Variants in BRINP1 observed in about 807,000 individuals in gnomAD.
BRINP1 encodes BMP/retinoic acid inducible neural specific 1, also known as BMP/retinoic acid-inducible neural-specific protein 1.
A neutral mutation model predicts 72.9 loss-of-function variants in BRINP1; 17 were observed. The ratio of observed to expected loss-of-function variants is 0.23; its 90% CI spans 0.16 to 0.35. The LOEUF (loss-of-function observed/expected upper bound fraction) is 0.35. BRINP1 is among the 10% of genes least tolerant of loss of function. The probability of loss-of-function intolerance (pLI) is 1.00; values close to 1 mark genes in which losing one functional copy is unlikely to be tolerated. For missense variants in BRINP1, 850 were observed against 1,001.6 expected (o/e 0.85, Z 2.04); for synonymous variants, 418 against 378.5 (o/e 1.10, Z -1.21).
chr9:119,280,524 G>A (rs941281985), intron 2 of BRINP1, among the ~76,000 whole-genome samples: 2 of 152,012 alleles, frequency 1.3e-5, no homozygotes, highest in Non-Finnish European at 2.9e-5. Context: ...GATTACAGGT[G>A]TGAGCTACCG....
chr9:119,169,342 C>T (rs1349303902), intron 7 of BRINP1, among the ~76,000 whole-genome samples: 2 of 152,210 alleles, frequency 1.3e-5, no homozygotes, highest in Non-Finnish European at 2.9e-5. Context: ...AGGGAGTTCC[C>T]TTTCCGAAAC....
intron 2 of BRINP1, among the ~76,000 whole-genome samples, chr9:119,299,938 T>A (rs1398346355): frequency 6.6e-6 from 1 of 152,210 alleles, no homozygotes; most frequent in Non-Finnish European, 1.5e-5. Flanking sequence ...TTCTTAATGA[T>A]CCTTCTGTAT....
chr9:119,198,156 G>A (rs1440731010), intron 7 of BRINP1, among the ~76,000 whole-genome samples: 1 of 152,212 alleles, frequency 6.6e-6, no homozygotes, highest in Non-Finnish European at 1.5e-5. Flanking sequence ...GGCTGGCCAA[G>A]AAATGTGCAT....
intron 2 of BRINP1, among the ~76,000 whole-genome samples, chr9:119,294,690 A>G (rs1275724522): frequency 6.6e-6 from 1 of 151,614 alleles, no homozygotes; most frequent in Non-Finnish European, 1.5e-5. Flanking sequence ...ACATAGTAAA[A>G]CCCCATCTCT....
chr9:119,282,412 A>G (rs1200139856), intron 2 of BRINP1, among the ~76,000 whole-genome samples: 1 of 152,210 alleles, frequency 6.6e-6, no homozygotes. Flanking sequence ...TTGGATTCCC[A>G]TCTGGAAAAC....
At chr9:119,285,469 C>A (rs144656135) in intron 2 of BRINP1, among the ~76,000 whole-genome samples, 1 of 152,180 alleles carries the variant, frequency 6.6e-6, no homozygotes, top group Non-Finnish European at 1.5e-5. Flanking sequence ...TGAGCACGCA[C>A]TGAAGCTGAG....
At chr9:119,322,858 G>C (rs1195244182) in intron 1 of BRINP1, among the ~76,000 whole-genome samples, 1 of 152,056 alleles carries the variant, frequency 6.6e-6, no homozygotes. Context: ...CAGTAACAGG[G>C]GGATGCACAT....
At position 119,195,707 on chromosome 9, in the gene BRINP1, G is replaced by T. The variant is rs567276791; in HGVS notation, c.1145+13012C>A. On this transcript the variant is annotated intron_variant, in intron 7 of 7. Transcript: ENST00000265922. ...GCAGTCGTGCCACCTCTCAGCAGGG[G>T]TGGTACCTGCAGGGAGACAAAGCCA... Among the ~76,000 whole-genome samples the T allele has an allele frequency of 2.0e-5, 3 of 152,332 alleles. No homozygotes were observed. The East Asian group carries it at 5.8e-4, about 29-fold the overall frequency.
chr9:119,344,226 G>A (rs569493815), intron 1 of BRINP1, among the ~76,000 whole-genome samples: 151 of 152,282 alleles, frequency 9.9e-4, no homozygotes, highest in African/African-American at 3.4e-3. Context: ...GAAGGCAGCA[G>A]GGAGAATTAT....
chr9:119,310,202 C>T (rs1179544236), intron 2 of BRINP1, among the ~76,000 whole-genome samples: 1 of 152,142 alleles, frequency 6.6e-6, no homozygotes, highest in Non-Finnish European at 1.5e-5. Context: ...CAAAATCACA[C>T]AATCAGGAGA....
rs1164513698 is a variant in BRINP1 at position 119,190,188 on chromosome 9, G to T, written c.1145+18531C>A. Among the ~76,000 whole-genome samples the T allele has an allele frequency of 2.0e-5, 3 of 151,808 alleles. No individual in the cohort carries two copies. In the East Asian group the frequency reaches 5.8e-4, roughly 29 times the overall value. ...CATCAAAAGAAGTTATCAGAGGGAG[G>T]CTTACAGCAATAAATAATAAACAAG... is the stretch of plus-strand genomic sequence containing the variant. On this transcript the variant is annotated intron_variant, in intron 7 of 7. Transcript: ENST00000265922.
chr9:119,216,791 G>T (rs1206009386), intron 5 of BRINP1, among the ~76,000 whole-genome samples: 2 of 152,136 alleles, frequency 1.3e-5, no homozygotes, highest in Non-Finnish European at 2.9e-5. Context: ...TTTGGGGAGA[G>T]CATTTATAGA....
At chr9:119,184,559 T>C (rs1206076767) in intron 7 of BRINP1, among the ~76,000 whole-genome samples, 6 of 152,120 alleles carry the variant, frequency 3.9e-5, no homozygotes, top group African/African-American at 1.4e-4. Flanking sequence ...TTGCTCAAAT[T>C]ATACCCCCTG....
chr9:119,168,326 A>G, intron 7 of BRINP1, 102 bp from the exon 8 acceptor site: 1 of 918,838 alleles, frequency 1.1e-6, no homozygotes, highest in Non-Finnish European at 1.6e-6. Context: ...CAAAAAGATG[A>G]AAGGACTGGA....
chr9:119,313,171 C>G lies in BRINP1; in HGVS notation c.185G>C (p.Arg62Pro). Residue 62 changes from arginine (R) to proline (P), a missense_variant, in exon 2 of 8, where the codon CGT (arginine) becomes CCT (proline). By Grantham distance (103) the Arg-to-Pro change is moderately radical. Transcript: ENST00000265922. Reference sequence around the variant, plus strand: ...TTTATATCTGGTTGTAAATCCTTGACGGTGTCTTTCCACAAAGGATAGGTA... The same window carrying G: ...TTTATATCTGGTTGTAAATCCTTGAGGGTGTCTTTCCACAAAGGATAGGTA... ...RSYLSFVERH[R>P]QGFTTRYKIY... is the part of the protein sequence containing the mutation. 2 of 1,614,058 alleles carry G rather than the reference C, an allele frequency of 1.2e-6. No homozygotes were observed. Among genetic ancestry groups the G allele is most frequent in the Non-Finnish European group, 1.7e-6 (2 of 1,180,012 alleles).
chr9:119,292,531 T>A (rs569461571), intron 2 of BRINP1, among the ~76,000 whole-genome samples: 3 of 152,310 alleles, frequency 2.0e-5, no homozygotes, highest in African/African-American at 7.2e-5. Context: ...TAAAGGAATA[T>A]GTAAACGAAT....
At position 119,233,028 on chromosome 9, in the gene BRINP1, T is replaced by TC. The variant is rs1190509106; in HGVS notation, c.685+5626_685+5627insG. ...TCCTCCAATCCTGTTCTTTCTTTTTTTTTTTCTATTTTGCTTTACGTTTGC... is the reference window on the plus strand; with the variant it reads ...TCCTCCAATCCTGTTCTTTCTTTTTTCTTTTTCTATTTTGCTTTACGTTTGC... On this transcript the variant is annotated intron_variant, in intron 5 of 7. Transcript: ENST00000265922. 2.0e-5 allele frequency among the ~76,000 whole-genome samples: 3 copies of TC among 152,024 alleles called. No homozygotes were observed. The East Asian group carries it at 5.8e-4, about 29-fold the overall frequency.
At position 119,167,464 on chromosome 9, in the gene BRINP1, C is replaced by G; in HGVS notation, c.1906G>C (p.Gly636Arg). The stretch of plus-strand genomic sequence containing the variant: ...GAGGGATCCGACAGGTCCACGGGGC[C>G]CTGGCCAGTCTCATTTCGCAGTAGG... ...PTLLRNETGQ[G>R]PVDLSDPSKR... Residue 636 changes from glycine to arginine, a missense_variant, in exon 8 of 8, where the codon GGC becomes CGC. Transcript: ENST00000265922. The surrounding 1 kb of genome is among the most constrained non-coding windows in gnomAD (Gnocchi z 4.3). 6.2e-7 allele frequency: 1 copy of G among 1,614,042 alleles called. No homozygotes were observed. The highest frequency in any genetic ancestry group is 8.5e-7 in the Non-Finnish European group (1 of 1,179,996).
intron 1 of BRINP1, among the ~76,000 whole-genome samples, chr9:119,322,169 T>C (rs539487852): frequency 6.6e-6 from 1 of 152,332 alleles, no homozygotes; most frequent in South Asian, 2.1e-4. Flanking sequence ...TTCAGAACTG[T>C]TGTTCTTCCA....
Sources: allele counts gnomAD v4.1 joint callset (sites outside exome capture counted in the v4.1 genomes callset), GRCh38; gene constraint gnomAD v4.1.1; non-coding constraint Gnocchi (gnomAD v3.1); transcripts MANE v1.5; gene names NCBI Gene and HGNC (gene_info 2026-07-23, HGNC 2026-07-21).